KCNIP1: variants seen among roughly 807,000 people sequenced by gnomAD.
The protein encoded by KCNIP1 is A-type potassium channel modulatory protein KCNIP1.
A neutral mutation model predicts 33.0 loss-of-function variants in KCNIP1; 18 were observed. That is an observed-to-expected ratio of 0.55 (90% CI 0.38 to 0.81). The LOEUF is 0.81. KCNIP1 is among the 30% of genes least tolerant of loss of function. The pLI is 0.00. For missense variants in KCNIP1, 238 were observed against 271.6 expected (o/e 0.88, Z 0.87); for synonymous variants, 93 against 98.3 (o/e 0.95, Z 0.32).
At chr5:170,635,613 A>T in intron 1 of KCNIP1, among the ~76,000 whole-genome samples, 1 of 152,244 alleles carries the variant, frequency 6.6e-6, no homozygotes, top group African/African-American at 2.4e-5. Flanking sequence ...CTAAAGGTTT[A>T]TCACTGCTGT....
intron 1 of KCNIP1, among the ~76,000 whole-genome samples, chr5:170,511,463 G>A (rs745887261): frequency 1.3e-5 from 2 of 152,166 alleles, no homozygotes; most frequent in Non-Finnish European, 2.9e-5. Context: ...CTGAGATCCC[G>A]AGCCACCATA....
chr5:170,574,133 G>A (rs574443883), intron 1 of KCNIP1, among the ~76,000 whole-genome samples: 1 of 152,334 alleles, frequency 6.6e-6, no homozygotes, highest in East Asian at 1.9e-4. Context: ...TAGAACATTT[G>A]CAGCTACAGA....
At chr5:170,735,389 A>G (rs1764350525) in intron 7 of KCNIP1, among the ~76,000 whole-genome samples, 1 of 152,256 alleles carries the variant, frequency 6.6e-6, no homozygotes, top group Non-Finnish European at 1.5e-5. Context: ...GATCTAAAGC[A>G]GTATTCCAGG....
At chr5:170,679,025 C>A (rs1360936832) in intron 1 of KCNIP1, 1 of 152,210 alleles carries the variant, frequency 6.6e-6, no homozygotes, top group Non-Finnish European at 1.5e-5. Context: ...AATTATTACA[C>A]TTGCTAGGGC....
rs377188151 is a variant in KCNIP1, at chr5:170,599,616, G to A, written c.61+94983G>A. Among the ~76,000 whole-genome samples the A allele has an allele frequency of 1.0e-3, 152 of 146,328 alleles. 2 individuals are homozygous for A. The highest frequency in any genetic ancestry group is 6.7e-4 in the South Asian group (3 of 4,462). On this transcript the variant is annotated intron_variant, in intron 1 of 7. Coordinates refer to ENST00000328939, the MANE Select transcript of KCNIP1 (RefSeq NM_014592.4). ...ATGCTCAGGACTGTGGAATGAGCAC[G>A]GGAGTGTGATGGACCTAGGGGTGGG...
At chr5:170,683,533 C>A (rs1446230207) in intron 1 of KCNIP1, among the ~76,000 whole-genome samples, 1 of 151,968 alleles carries the variant, frequency 6.6e-6, no homozygotes, top group Non-Finnish European at 1.5e-5. Flanking sequence ...GTCCAAAATG[C>A]CATTTTTAAT....
At chr5:170,728,424 T>A (rs139674870) in intron 5 of KCNIP1, among the ~76,000 whole-genome samples, 99 of 152,284 alleles carry the variant, frequency 6.5e-4, no homozygotes, top group African/African-American at 1.6e-3. Flanking sequence ...ATTTTCTATC[T>A]GAGAAAAAAG....
At chr5:170,401,663 G>C (rs909327184) in intron 1 of KCNIP1, among the ~76,000 whole-genome samples, 5 of 151,930 alleles carry the variant, frequency 3.3e-5, no homozygotes, top group Non-Finnish European at 5.9e-5. Flanking sequence ...TTGAGAGGCT[G>C]AGGTGGGAGG....
chr5:170,527,170 A>G (rs1755610175), intron 1 of KCNIP1, among the ~76,000 whole-genome samples: 1 of 152,180 alleles, frequency 6.6e-6, no homozygotes, highest in Non-Finnish European at 1.5e-5. Context: ...CAGCCCCAGC[A>G]TGGAGCTCCA....
At chr5:170,498,213 G>T (rs1206044717) in intron 1 of KCNIP1, among the ~76,000 whole-genome samples, 2 of 152,238 alleles carry the variant, frequency 1.3e-5, no homozygotes, top group Non-Finnish European at 2.9e-5. Context: ...CTGTGTTCCA[G>T]CCAGGGAGAC....
chr5:170,546,996 C>T (rs1034704687), intron 1 of KCNIP1, among the ~76,000 whole-genome samples: 1 of 152,112 alleles, frequency 6.6e-6, no homozygotes, highest in Non-Finnish European at 1.5e-5. Flanking sequence ...TTTGTTTGCT[C>T]TCATTCTTGA....
intron 1 of KCNIP1, chr5:170,420,701 G>T (rs1228883063): frequency 6.6e-6 from 1 of 152,176 alleles, no homozygotes; most frequent in Non-Finnish European, 1.5e-5. Flanking sequence ...CGGCATGGTG[G>T]TTGGCACTCC....
chr5:170,597,341 C>T (rs1032019011), intron 1 of KCNIP1, among the ~76,000 whole-genome samples: 1 of 152,168 alleles, frequency 6.6e-6, no homozygotes, highest in Non-Finnish European at 1.5e-5. Context: ...GCTATCAGGC[C>T]TTGTTGCAGG....
At chr5:170,520,987 T>G (rs1755343159) in intron 1 of KCNIP1, among the ~76,000 whole-genome samples, 1 of 152,220 alleles carries the variant, frequency 6.6e-6, no homozygotes, top group Admixed American at 6.5e-5. Flanking sequence ...GCTGTGGGGC[T>G]TAATTGAGAA....
intron 1 of KCNIP1, among the ~76,000 whole-genome samples, chr5:170,510,349 A>G (rs6872557): frequency 3.9e-5 from 6 of 152,194 alleles, no homozygotes; most frequent in African/African-American, 1.2e-4. Context: ...TCCAGGCTTG[A>G]TGGATGCTGG....
At chr5:170,648,230 C>G (rs1760871757) in intron 1 of KCNIP1, among the ~76,000 whole-genome samples, 1 of 152,164 alleles carries the variant, frequency 6.6e-6, no homozygotes, top group African/African-American at 2.4e-5. Flanking sequence ...CAGTTTCTTA[C>G]AAAACTAAAC....
At chr5:170,507,074 G>A (rs566171229) in intron 1 of KCNIP1, among the ~76,000 whole-genome samples, 1 of 152,286 alleles carries the variant, frequency 6.6e-6, no homozygotes, top group East Asian at 1.9e-4. Flanking sequence ...CATTTCCTCA[G>A]GTTCCATTTG....
At chr5:170,365,672 C>T (rs1175037942) in intron 1 of KCNIP1, among the ~76,000 whole-genome samples, 3 of 152,200 alleles carry the variant, frequency 2.0e-5, no homozygotes, top group Admixed American at 2.0e-4. Flanking sequence ...TGTTCCCCTC[C>T]AGCCCTTGAG....
intron 1 of KCNIP1, among the ~76,000 whole-genome samples, chr5:170,388,019 C>CA (rs1402601032): frequency 6.5e-5 from 9 of 139,236 alleles, no homozygotes; most frequent in African/African-American, 8.6e-5. Context: ...GGCTAATCAG[C>CA]CCCCCCCAGC....
Sources: gnomAD v4.1 joint callset for allele counts (sites outside exome capture counted in the v4.1 genomes callset) on GRCh38, gnomAD v4.1.1 for gene constraint, MANE v1.5 for transcripts, NCBI Gene and HGNC (gene_info 2026-07-23, HGNC 2026-07-21) for gene names.